The following SCPEP1 variants were observed in gnomAD, a reference collection of about 807,000 sequenced individuals.
SCPEP1 encodes the protein retinoid-inducible serine carboxypeptidase.
In SCPEP1, 51 loss-of-function variants were observed where a neutral mutation model predicts 63.8. The ratio of observed to expected loss-of-function variants is 0.80; its 90% CI spans 0.64 to 1.01. SCPEP1 has a LOEUF of 1.01. Among genes scored for constraint, SCPEP1 ranks in the 50% least tolerant of loss-of-function variants. The probability of loss-of-function intolerance (pLI) is 0.00; values close to 1 mark genes in which losing one functional copy is unlikely to be tolerated. For synonymous variants in SCPEP1, 204 were observed against 207.8 expected (o/e 0.98, Z 0.16); for missense variants, 499 against 554.9 (o/e 0.90, Z 1.01).
At chr17:56,992,363 T>C (rs1457599512) in intron 6 of SCPEP1, among the ~76,000 whole-genome samples, 4 of 152,018 alleles carry the variant, frequency 2.6e-5, no homozygotes, top group Non-Finnish European at 4.4e-5. Flanking sequence ...TTATCTGTCT[T>C]TCCTTCCTGG....
Position 56,991,079 on chromosome 17 carries a change from T to A in SCPEP1, c.547-20T>A. The A allele has an allele frequency of 2.5e-6, 4 of 1,605,586 alleles. No homozygotes were observed. The South Asian group carries it at 4.4e-5, about 18-fold the overall frequency. ...AGCCACTGCACCTGGCCTGAGGACG[T>A]TTCTTGTTTCCTCTTTCAGGCCATT... On this transcript the variant is annotated intron_variant, in intron 5 of 12. Coordinates refer to ENST00000262288, the MANE Select transcript of SCPEP1 (RefSeq NM_021626.3).
chr17:56,989,773 C>T (rs1911338897), intron 5 of SCPEP1, among the ~76,000 whole-genome samples: 1 of 152,062 alleles, frequency 6.6e-6, no homozygotes, highest in African/African-American at 2.4e-5. Flanking sequence ...ATGGTGAAAC[C>T]CCATCTCTAC....
At position 56,985,350 on chromosome 17, in the gene SCPEP1, TTTTG is replaced by T. The variant is rs777562081; in HGVS notation, c.226-20_226-17del. On this transcript the variant is annotated intron_variant, in intron 2 of 12. Transcript: ENST00000262288. ...GTAAAGACTAAGATCTGACTAAAAT[TTTTG>T]TTTGTTTCTTCTCTCTTCCATAGGG... The T allele has an allele frequency of 2.9e-5, 46 of 1,582,274 alleles. No individual in the cohort carries two copies. The East Asian group carries it at 1.0e-3, about 35-fold the overall frequency.
chr17:57,003,083 T>C (rs974083224), intron 12 of SCPEP1, among the ~76,000 whole-genome samples: 1 of 152,070 alleles, frequency 6.6e-6, no homozygotes. Flanking sequence ...AAGGGTGCCC[T>C]GCCCAGGCAT....
intron 7 of SCPEP1, 125 bp downstream of exon 7, chr17:56,995,143 G>A (rs2144496796): frequency 2.5e-6 from 2 of 788,292 alleles, no homozygotes; most frequent in East Asian, 2.6e-5. Context: ...TTAGGGACTA[G>A]TCATCCACAT....
intron 1 of SCPEP1, among the ~76,000 whole-genome samples, chr17:56,979,277 C>T (rs147566084): frequency 1.3e-5 from 2 of 152,284 alleles, no homozygotes; most frequent in African/African-American, 4.8e-5. Context: ...ACACAGGCCA[C>T]CACCCTGGCT....
chr17:57,002,874 C>CAAA (rs59205865), intron 12 of SCPEP1, among the ~76,000 whole-genome samples: 5 of 107,086 alleles, frequency 4.7e-5, no homozygotes, highest in Admixed American at 9.9e-5. Flanking sequence ...GACCCTGTCT[C>CAAA]AAAAAAAAAA....
rs145847624 is a variant in SCPEP1 at position 56,991,100 on chromosome 17, C to T, written c.548C>T (p.Ala183Val). ...GACGTTTCTTGTTTCCTCTTTCAGG[C>T]CATTCAGCGAGGGACCATCAAGTGC... Reference protein sequence around the residue: ...AAGIGLELYKAIQRGTIKCNF... With the variant: ...AAGIGLELYKVIQRGTIKCNF... Residue 183 changes from alanine to valine, a missense_variant and splice_region_variant, in exon 6 of 13, where the codon GCC becomes GTC. By Grantham distance (64) the Ala-to-Val change is moderately conservative. Transcript: ENST00000262288. 8 of 1,612,914 alleles carry T rather than the reference C, an allele frequency of 5.0e-6. No homozygotes were observed. In the African/African-American group the frequency reaches 9.3e-5, roughly 19 times the overall value.
At chr17:56,991,018 T>C (rs951965508) in intron 5 of SCPEP1, 81 bp from the exon 6 acceptor site, 70 of 1,019,790 alleles carry the variant, frequency 6.9e-5, no homozygotes, top group Non-Finnish European at 1.1e-4. Flanking sequence ...GCGATCCTCC[T>C]GCCTAAGCTT....
intron 3 of SCPEP1, among the ~76,000 whole-genome samples, chr17:56,985,900 C>G (rs1312128904): frequency 6.6e-6 from 1 of 152,068 alleles, no homozygotes; most frequent in Non-Finnish European, 1.5e-5. Flanking sequence ...TCACACCTCC[C>G]CCTCATTCTT....
chr17:56,990,873 G>A (rs868275105), intron 5 of SCPEP1, among the ~76,000 whole-genome samples: 1 of 152,228 alleles, frequency 6.6e-6, no homozygotes, highest in Non-Finnish European at 1.5e-5. Context: ...GGGGTCAAGT[G>A]ATCCTCTGAC....
At chr17:56,994,794 A>G (rs997132016) in intron 6 of SCPEP1, 187 bp from the exon 7 acceptor site, 4 of 530,638 alleles carry the variant, frequency 7.5e-6, no homozygotes, top group African/African-American at 1.9e-5. Context: ...CCCTTATCCC[A>G]CCTTCCAGAC....
chr17:57,002,486 C>T (rs771505299), intron 12 of SCPEP1, among the ~76,000 whole-genome samples: 2 of 152,178 alleles, frequency 1.3e-5, no homozygotes, highest in East Asian at 1.9e-4. Context: ...GAGGCTGAGA[C>T]GGGTGGATCG....
At chr17:56,995,376 C>A in intron 7 of SCPEP1, 131 bp from the exon 8 acceptor site, 3 of 937,470 alleles carry the variant, frequency 3.2e-6, no homozygotes, top group Non-Finnish European at 4.9e-6. Context: ...TGGCTTGTAA[C>A]AATACACTTT....
chr17:56,992,053 A>G (rs1911416665), intron 6 of SCPEP1, among the ~76,000 whole-genome samples: 1 of 152,242 alleles, frequency 6.6e-6, no homozygotes, highest in African/African-American at 2.4e-5. Context: ...ATAAGCAGGA[A>G]AGGTACATGA....
chr17:56,994,827 T>G (rs1309896837), intron 6 of SCPEP1, 154 bp from the exon 7 acceptor site: 3 of 608,010 alleles, frequency 4.9e-6, no homozygotes, highest in Middle Eastern at 3.6e-4. Flanking sequence ...GCCCGCCTCC[T>G]GCATGGGTAC....
chr17:56,996,241 C>T (rs1911554785), intron 8 of SCPEP1, among the ~76,000 whole-genome samples: 1 of 151,874 alleles, frequency 6.6e-6, no homozygotes, highest in Admixed American at 6.6e-5. Flanking sequence ...TTTTGAGACA[C>T]TCGCCCAGGC....
At position 56,980,314 on chromosome 17, in the gene SCPEP1, T is replaced by TA. The variant is rs1037155009; in HGVS notation, c.77-767dup. Among the ~76,000 whole-genome samples, 15 of 152,280 alleles carry TA rather than the reference T, an allele frequency of 9.9e-5. No individual in the cohort carries two copies. The South Asian group carries it at 2.1e-3, about 21-fold the overall frequency. ...ATTTTTTGTAGAGATGGGGTGTTGC[T>TA]ATGTTGCTTAGACTGGTTTTGAACT... On this transcript the variant is annotated intron_variant, in intron 1 of 12. Coordinates refer to ENST00000262288, the MANE Select transcript of SCPEP1 (RefSeq NM_021626.3).
intron 2 of SCPEP1, chr17:56,985,010 C>T (rs1048906872): frequency 8.2e-6 from 2 of 242,584 alleles, no homozygotes; most frequent in African/African-American, 2.3e-5. Flanking sequence ...GGGGCTGAGG[C>T]GGGAGGATCA....
Sources: allele counts gnomAD v4.1 joint callset (sites outside exome capture counted in the v4.1 genomes callset), GRCh38; gene constraint gnomAD v4.1.1; transcripts MANE v1.5; gene names NCBI Gene and HGNC (gene_info 2026-07-23, HGNC 2026-07-21).